SPATA31E1: variants seen among roughly 807,000 people sequenced by gnomAD.
SPATA31E1 encodes the protein spermatogenesis-associated protein 31E1.
SPATA31E1 carries 7 observed loss-of-function variants against 12.9 expected under a neutral mutation model. That is an observed-to-expected ratio of 0.54 (90% CI 0.31 to 1.02). SPATA31E1 has a LOEUF of 1.02. Ranked by LOEUF, SPATA31E1 falls within the 50% of genes least tolerant of loss-of-function variation. The pLI, the probability that SPATA31E1 is intolerant of heterozygous loss-of-function variation, is 0.05. For missense variants in SPATA31E1, 1,961 were observed against 1,799.8 expected (o/e 1.09, Z -1.62); for synonymous variants, 771 against 719.0 (o/e 1.07, Z -1.16).
chr9:87,885,494 C>T lies in SPATA31E1; in HGVS notation c.1007C>T (p.Ser336Leu), dbSNP rs1257837796. 3 of 1,614,166 alleles carry T rather than the reference C, an allele frequency of 1.9e-6. No homozygotes were observed. In the South Asian group the frequency reaches 3.3e-5, roughly 18 times the overall value. Residue 336 changes from serine to leucine, a missense_variant, in exon 4 of 4, where the codon TCA (serine) becomes TTA (leucine). Transcript: ENST00000325643. ...SQPRHLPDHT[S>L]EASFWGDPTP... ...CCACGGCATCTTCCCGACCACACCT[C>T]AGAGGCTTCCTTCTGGGGAGACCCC... is the stretch of plus-strand genomic sequence containing the variant.
rs1564128534 is a variant in SPATA31E1, at chr9:87,886,029, GC to G, written c.1547del (p.Pro516HisfsTer56). 5.0e-5 allele frequency: 80 copies of G among 1,612,958 alleles called. No individual in the cohort carries two copies. The highest frequency in any genetic ancestry group is 6.7e-5 in the Non-Finnish European group (79 of 1,179,614). On this transcript the variant is annotated frameshift_variant, in exon 4 of 4. Transcript: ENST00000325643. LOFTEE classifies it low-confidence loss of function (END_TRUNC). ...HFTPAWPQSQ[P>X]PPLAEIQTQA... is the part of the protein sequence containing the mutation. ...TCACTCCAGCCTGGCCCCAGTCCCA[GC>G]CCCCACCTTTGGCTGAGATCCAGAC...
chr9:87,883,182 G>A lies in SPATA31E1; in HGVS notation c.291G>A (p.Arg97=), dbSNP rs1347204902. ...ACCCACCCTCACCCCCGCCCGGGAG[G>A]AAGAGGAGCAGCAGGGAGGTAAGGA... ...HSDPPSPPPG[R]KRSSREPQRE... Residue 97 remains arginine, a synonymous_variant, in exon 1 of 4, where the codon AGG becomes AGA. Transcript: ENST00000325643. 3 of 1,580,728 alleles carry A rather than the reference G, an allele frequency of 1.9e-6. No homozygotes were observed. Among genetic ancestry groups the A allele is most frequent in the Non-Finnish European group, 1.7e-6 (2 of 1,159,468 alleles).
At position 87,885,160 on chromosome 9, in the gene SPATA31E1, C is replaced by T. The variant is rs1222637909; in HGVS notation, c.673C>T (p.Pro225Ser). ...PHSTLSASGP[P>S]EPLLPLKCPA... Reference sequence around the variant, plus strand: ...CTCAACCCTGAGTGCCTCCGGGCCACCAGAGCCCTTGCTTCCCCTAAAATG... The same window carrying T: ...CTCAACCCTGAGTGCCTCCGGGCCATCAGAGCCCTTGCTTCCCCTAAAATG... The change falls in exon 4 of 4, where the codon CCA becomes TCA. Residue 225 changes from proline to serine, a missense_variant. Pro to Ser is a moderately conservative substitution (Grantham distance 74, BLOSUM62 -1). Coordinates refer to ENST00000325643, the MANE Select transcript of SPATA31E1 (RefSeq NM_178828.5). 1.9e-6 allele frequency: 3 copies of T among 1,614,058 alleles called. No homozygotes were observed. The South Asian group carries it at 3.3e-5, about 18-fold the overall frequency.
Position 87,883,026 on chromosome 9 carries a change from GCT to G in SPATA31E1, c.138_139del (p.Phe47SerfsTer6), listed in dbSNP as rs779017258. The G allele has an allele frequency of 2.0e-5, 32 of 1,613,398 alleles. No homozygotes were observed. The highest frequency in any genetic ancestry group is 2.5e-5 in the Non-Finnish European group (29 of 1,179,900). ...DDIALQMEKM[L>X]FPLKSPSATW... ...ACATTGCACTTCAGATGGAGAAAATGCTCTTTCCTCTGAAGAGCCCTAGTGCC... is the reference window on the plus strand; with the variant it reads ...ACATTGCACTTCAGATGGAGAAAATGCTTTCCTCTGAAGAGCCCTAGTGCC... On this transcript the variant is annotated frameshift_variant, in exon 1 of 4. Transcript: ENST00000325643. LOFTEE classifies it high-confidence loss of function.
chr9:87,886,012 G>T lies in SPATA31E1; in HGVS notation c.1525G>T (p.Ala509Ser). 6.2e-7 allele frequency: 1 copy of T among 1,612,844 alleles called. No homozygotes were observed. The highest frequency in any genetic ancestry group is 8.5e-7 in the Non-Finnish European group (1 of 1,179,632). Residue 509 changes from alanine (A) to serine (S), a missense_variant, in exon 4 of 4, where the codon GCC becomes TCC. By Grantham distance (99) the Ala-to-Ser change is moderately conservative. Coordinates refer to ENST00000325643, the MANE Select transcript of SPATA31E1 (RefSeq NM_178828.5). ...HMAQPQHFTP[A>S]WPQSQPPPLA... Reference sequence around the variant, plus strand: ...GGCCCAGCCCCAACATTTCACTCCAGCCTGGCCCCAGTCCCAGCCCCCACC... The same window carrying T: ...GGCCCAGCCCCAACATTTCACTCCATCCTGGCCCCAGTCCCAGCCCCCACC...
Position 87,886,973 on chromosome 9 carries a change from C to G in SPATA31E1, c.2486C>G (p.Pro829Arg). 1 of 1,614,116 alleles carries G rather than the reference C, an allele frequency of 6.2e-7. No homozygotes were observed. The highest frequency in any genetic ancestry group is 8.5e-7 in the Non-Finnish European group (1 of 1,180,030). Residue 829 changes from proline (P) to arginine (R), a missense_variant, in exon 4 of 4, where the codon CCC becomes CGC. Physicochemically the swap from Pro to Arg is moderately radical, Grantham distance 103 (BLOSUM62 -2). Coordinates refer to ENST00000325643, the MANE Select transcript of SPATA31E1 (RefSeq NM_178828.5). ...NTSQELSFLHPCTQQILEVHL... is the reference protein window; with the variant it reads ...NTSQELSFLHRCTQQILEVHL... ...TCCCAGGAGCTTTCCTTCCTCCATC[C>G]CTGCACCCAGCAGATACTGGAAGTA...
In SPATA31E1 at chr9:87,887,119, T is replaced by C; in HGVS notation, c.2632T>C (p.Trp878Arg). The change falls in exon 4 of 4, where the codon TGG becomes CGG. Residue 878 changes from tryptophan to arginine, a missense_variant. By Grantham distance (101) the Trp-to-Arg change is moderately radical. Coordinates refer to ENST00000325643, the MANE Select transcript of SPATA31E1 (RefSeq NM_178828.5). ...CTTCCCACAATCCACCTTTACCCCCTGGGCCTCCTGGGTATCTCGGGTTGA... is the reference window on the plus strand; with the variant it reads ...CTTCCCACAATCCACCTTTACCCCCCGGGCCTCCTGGGTATCTCGGGTTGA... ...PPFPQSTFTP[W>R]ASWVSRVESV... 6.2e-7 allele frequency: 1 copy of C among 1,614,042 alleles called. No homozygotes were observed. Among genetic ancestry groups the C allele is most frequent in the Non-Finnish European group, 8.5e-7 (1 of 1,180,004 alleles).
At position 87,884,919 on chromosome 9, in the gene SPATA31E1, G is replaced by A; in HGVS notation, c.432G>A (p.Leu144=). Reference sequence around the variant, plus strand: ...TGCCTCTTGTCTCCTGCAGCCACCTGAGGAAGCTCGCTGGCGAAGGCAGCT... The same window carrying A: ...TGCCTCTTGTCTCCTGCAGCCACCTAAGGAAGCTCGCTGGCGAAGGCAGCT... ...RDLNYLLESH[L]RKLAGEGSSH... Residue 144 remains leucine (L), a synonymous_variant, in exon 4 of 4, where the codon CTG becomes CTA. Coordinates refer to ENST00000325643, the MANE Select transcript of SPATA31E1 (RefSeq NM_178828.5). The A allele has an allele frequency of 6.2e-7, 1 of 1,605,984 alleles. No homozygotes were observed. The highest frequency in any genetic ancestry group is 8.5e-7 in the Non-Finnish European group (1 of 1,174,584).
intron 1 of SPATA31E1, 39 bp from the exon 2 acceptor site, chr9:87,883,953 A>T: frequency 3.8e-6 from 6 of 1,582,054 alleles, no homozygotes; most frequent in Non-Finnish European, 5.2e-6. Context: ...GAGGAGACTG[A>T]GAACTGGTCC....
At position 87,887,337 on chromosome 9, in the gene SPATA31E1, G is replaced by A. The variant is rs540068633; in HGVS notation, c.2850G>A (p.Pro950=). The A allele has an allele frequency of 2.2e-5, 36 of 1,613,754 alleles. No homozygotes were observed. The highest frequency in any genetic ancestry group is 1.8e-4 in the East Asian group (8 of 44,868). The change falls in exon 4 of 4, where the codon CCG becomes CCA. Residue 950 remains proline (P), a synonymous_variant. Transcript: ENST00000325643. ...ADTHGRSEAF[P]TGHKGRGCSQ... ...CCCATGGGCGATCAGAGGCCTTTCC[G>A]ACTGGACACAAGGGCAGGGGGTGTT... is the stretch of plus-strand genomic sequence containing the variant.
In SPATA31E1 at chr9:87,887,481, G is replaced by A. The variant is rs778895600; in HGVS notation, c.2994G>A (p.Glu998=). ...GSMGSEMAGN[E]AWLESESMSP... Reference sequence around the variant, plus strand: ...TGGGTTCAGAAATGGCTGGGAACGAGGCATGGCTTGAGAGTGAGAGCATGT... The same window carrying A: ...TGGGTTCAGAAATGGCTGGGAACGAAGCATGGCTTGAGAGTGAGAGCATGT... Residue 998 remains glutamate (E), a synonymous_variant, in exon 4 of 4, where the codon GAG becomes GAA. Transcript: ENST00000325643. 1 of 1,613,898 alleles carries A rather than the reference G, an allele frequency of 6.2e-7. No homozygotes were observed. Among genetic ancestry groups the A allele is most frequent in the Non-Finnish European group, 8.5e-7 (1 of 1,180,034 alleles).
chr9:87,888,578 G>A lies in SPATA31E1; in HGVS notation c.4091G>A (p.Cys1364Tyr), dbSNP rs1828332091. 9.3e-6 allele frequency: 15 copies of A among 1,614,156 alleles called. No homozygotes were observed. Among genetic ancestry groups the A allele is most frequent in the Non-Finnish European group, 1.3e-5 (15 of 1,180,032 alleles). ...CCTTCCTGCTGCCACAGGGGTCACT[G>A]CCACCAAGAACGTAGCAGAGAGATG... ...NVPSCCHRGH[C>Y]HQERSREMRA... Residue 1364 changes from cysteine to tyrosine, a missense_variant, in exon 4 of 4, where the codon TGC becomes TAC. Transcript: ENST00000325643.
Position 87,888,697 on chromosome 9 carries a change from C to T in SPATA31E1, c.4210C>T (p.Pro1404Ser), listed in dbSNP as rs1229362871. The T allele has an allele frequency of 2.5e-6, 4 of 1,613,982 alleles. No homozygotes were observed. The Admixed American group carries it at 6.7e-5, about 27-fold the overall frequency. ...GIRDRDSSWAPPPREPVSPAG... is the reference protein window; with the variant it reads ...GIRDRDSSWASPPREPVSPAG... ...CAGAGACAGAGACAGCAGTTGGGCC[C>T]CACCTCCCAGGGAGCCTGTGTCCCC... is the stretch of plus-strand genomic sequence containing the variant. Residue 1404 changes from proline (P) to serine (S), a missense_variant, in exon 4 of 4, where the codon CCA (proline) becomes TCA (serine). Physicochemically the swap from Pro to Ser is moderately conservative, Grantham distance 74. Transcript: ENST00000325643.
At position 87,887,034 on chromosome 9, in the gene SPATA31E1, T is replaced by A. The variant is rs530791686; in HGVS notation, c.2547T>A (p.Gly849=). The change falls in exon 4 of 4, where the codon GGT becomes GGA. Residue 849 remains glycine (G), a synonymous_variant. Transcript: ENST00000325643. ...GGTTCTGTGTGAGGCACAGCTGGGG[T>A]ACAGACCTCCAGTCCCTGGAGCCCA... ...LVRFCVRHSW[G]TDLQSLEPIN... 3 of 1,613,952 alleles carry A rather than the reference T, an allele frequency of 1.9e-6. No individual in the cohort carries two copies. The African/African-American group carries it at 4.0e-5, about 22-fold the overall frequency.
At chr9:87,884,490 G>A (rs1052861554) in intron 2 of SPATA31E1, 101 bp from the exon 3 acceptor site, 2 of 1,251,728 alleles carry the variant, frequency 1.6e-6, no homozygotes, top group Non-Finnish European at 2.3e-6. Context: ...GGGCTTCAGG[G>A]TCTAGTCCCC....
chr9:87,886,150 A>G lies in SPATA31E1; in HGVS notation c.1663A>G (p.Arg555Gly), dbSNP rs1215484719. 6.9e-6 allele frequency: 11 copies of G among 1,603,588 alleles called. No individual in the cohort carries two copies. Among genetic ancestry groups the G allele is most frequent in the African/African-American group, 5.3e-5 (4 of 74,822 alleles). ...CGASYPTSQE[R>G]TQSVIPTGKE... The stretch of plus-strand genomic sequence containing the variant: ...GGCATCTTACCCTACATCCCAGGAG[A>G]GGACACAGTCTGTCATCCCCACTGG... Residue 555 changes from arginine to glycine, a missense_variant, in exon 4 of 4, where the codon AGG becomes GGG. Arg to Gly is a moderately radical substitution (Grantham distance 125, BLOSUM62 -2). Transcript: ENST00000325643.
At position 87,886,441 on chromosome 9, in the gene SPATA31E1, G is replaced by T; in HGVS notation, c.1954G>T (p.Asp652Tyr). ...GPPSRLQASGDLLQPDGEFPG... is the reference protein window; with the variant it reads ...GPPSRLQASGYLLQPDGEFPG... Reference sequence around the variant, plus strand: ...TCCCAGCAGATTGCAGGCATCTGGGGACCTGCTACAGCCTGATGGGGAATT... The same window carrying T: ...TCCCAGCAGATTGCAGGCATCTGGGTACCTGCTACAGCCTGATGGGGAATT... The change falls in exon 4 of 4, where the codon GAC (aspartate) becomes TAC (tyrosine). Residue 652 changes from aspartate (D) to tyrosine (Y), a missense_variant. Physicochemically the swap from Asp to Tyr is radical, Grantham distance 160. Coordinates refer to ENST00000325643, the MANE Select transcript of SPATA31E1 (RefSeq NM_178828.5). The T allele has an allele frequency of 6.2e-7, 1 of 1,613,934 alleles. No individual in the cohort carries two copies. Among genetic ancestry groups the T allele is most frequent in the Non-Finnish European group, 8.5e-7 (1 of 1,179,992 alleles).
rs1391439761 is a variant in SPATA31E1 at position 87,886,017 on chromosome 9, G to A, written c.1530G>A (p.Trp510Ter). 1.9e-6 allele frequency: 3 copies of A among 1,612,780 alleles called. No individual in the cohort carries two copies. Among genetic ancestry groups the A allele is most frequent in the South Asian group, 1.1e-5 (1 of 91,056 alleles). Residue 510 changes from tryptophan to a stop codon, truncating the protein, a stop_gained, in exon 4 of 4, where the codon TGG becomes TGA. Coordinates refer to ENST00000325643, the MANE Select transcript of SPATA31E1 (RefSeq NM_178828.5). LOFTEE classifies it low-confidence loss of function (END_TRUNC). Reference protein sequence around the residue: ...MAQPQHFTPAWPQSQPPPLAE... With the variant: ...MAQPQHFTPA ...AGCCCCAACATTTCACTCCAGCCTGGCCCCAGTCCCAGCCCCCACCTTTGG... is the reference window on the plus strand; with the variant it reads ...AGCCCCAACATTTCACTCCAGCCTGACCCCAGTCCCAGCCCCCACCTTTGG...
Position 87,886,897 on chromosome 9 carries a change from A to G in SPATA31E1, c.2410A>G (p.Lys804Glu). ...TGTTCCCAAGTCTGACACCCACAGG[A>G]AACCTGGGAAGCTGGCATCCTGGAG... is the stretch of plus-strand genomic sequence containing the variant. ...CAVPKSDTHR[K>E]PGKLASWRGG... Residue 804 changes from lysine to glutamate, a missense_variant, in exon 4 of 4, where the codon AAA (lysine) becomes GAA (glutamate). Lys to Glu is a moderately conservative substitution (Grantham distance 56). Coordinates refer to ENST00000325643, the MANE Select transcript of SPATA31E1 (RefSeq NM_178828.5). 6.2e-7 allele frequency: 1 copy of G among 1,614,108 alleles called. No individual in the cohort carries two copies. The highest frequency in any genetic ancestry group is 8.5e-7 in the Non-Finnish European group (1 of 1,180,010).
Sources: allele counts gnomAD v4.1 joint callset, GRCh38; gene constraint gnomAD v4.1.1; transcripts MANE v1.5; gene names NCBI Gene and HGNC (gene_info 2026-07-23, HGNC 2026-07-21).